Variants in COL23A1 observed in about 807,000 individuals in gnomAD.
COL23A1 encodes collagen alpha-1(XXIII) chain.
Under a neutral mutation model 99.3 loss-of-function variants are expected in COL23A1, and 97 were observed. The observed-to-expected ratio is 0.98, with a 90% CI of 0.83 to 1.16. The LOEUF is 1.16. Among genes scored for constraint, COL23A1 ranks in the 50% most tolerant of loss-of-function variants. The probability of loss-of-function intolerance (pLI) is 0.00; values close to 1 mark genes in which losing one functional copy is unlikely to be tolerated. For missense variants in COL23A1, 762 were observed against 757.4 expected, an observed-to-expected ratio of 1.01 and a Z score of -0.07; for synonymous variants, 320 against 308.2, an observed-to-expected ratio of 1.04 and a Z score of -0.40.
At chr5:178,569,250 A>T (rs971414701) in intron 1 of COL23A1, among the ~76,000 whole-genome samples, 1 of 152,174 alleles carries the variant, frequency 6.6e-6, no homozygotes, top group Admixed American at 6.5e-5. Context: ...GGTTGTGTGT[A>T]GTTTTGTTGT....
intron 2 of COL23A1, among the ~76,000 whole-genome samples, chr5:178,493,713 C>T (rs760187158): frequency 2.0e-5 from 3 of 152,250 alleles, no homozygotes; most frequent in Non-Finnish European, 4.4e-5. Flanking sequence ...GGCCAGCAGA[C>T]CTGACATCTG....
At chr5:178,376,156 C>G (rs1763061620) in intron 2 of COL23A1, among the ~76,000 whole-genome samples, 1 of 152,226 alleles carries the variant, frequency 6.6e-6, no homozygotes, top group Admixed American at 6.5e-5. Flanking sequence ...TGTGCTTTCT[C>G]TTTTCCATAG....
chr5:178,502,421 G>A (rs1281012833), intron 2 of COL23A1, among the ~76,000 whole-genome samples: 5 of 152,220 alleles, frequency 3.3e-5, no homozygotes, highest in African/African-American at 4.8e-5. Flanking sequence ...GTGAGCCACT[G>A]CGCCCAGCCA....
chr5:178,478,307 G>A (rs1340670223), intron 2 of COL23A1, among the ~76,000 whole-genome samples: 4 of 152,218 alleles, frequency 2.6e-5, no homozygotes, highest in Non-Finnish European at 5.9e-5. Flanking sequence ...GTGAGGGGTT[G>A]AGACACCTGG....
At chr5:178,346,652 A>G (rs182100415) in intron 2 of COL23A1, among the ~76,000 whole-genome samples, 51 of 152,342 alleles carry the variant, frequency 3.3e-4, no homozygotes, top group African/African-American at 1.2e-3. Flanking sequence ...CTTGAAGGCT[A>G]TCAACAAGAA....
chr5:178,347,276 T>G (rs2127671563), intron 2 of COL23A1, among the ~76,000 whole-genome samples: 1 of 152,270 alleles, frequency 6.6e-6, no homozygotes, highest in Middle Eastern at 3.4e-3. Flanking sequence ...CTTTTTAAAT[T>G]TAAATAGCCA....
chr5:178,306,963 G>T lies in COL23A1; in HGVS notation c.362-44C>A. 7.0e-7 allele frequency: 1 copy of T among 1,419,562 alleles called. No individual in the cohort carries two copies. Among genetic ancestry groups the T allele is most frequent in the Non-Finnish European group, 9.3e-7 (1 of 1,071,974 alleles). 87.9% of individuals were successfully genotyped at this position (1,419,562 alleles called of 1,614,324 possible). On this transcript the variant is annotated intron_variant, in intron 2 of 28. Transcript: ENST00000390654. This position sits in a 1 kb window ranked among gnomAD's most constrained non-coding sequence, Gnocchi z 4.1. ...ATGCATTCATTGAGAAGGGAAGCCAGTGGACTTGGCTGCGTGGGGCATGCC... is the reference window on the plus strand; with the variant it reads ...ATGCATTCATTGAGAAGGGAAGCCATTGGACTTGGCTGCGTGGGGCATGCC...
At chr5:178,332,673 A>G (rs1344607832) in intron 2 of COL23A1, among the ~76,000 whole-genome samples, 4 of 152,230 alleles carry the variant, frequency 2.6e-5, no homozygotes, top group African/African-American at 9.6e-5. Context: ...CACTTGGTCT[A>G]TGTTTGATTT....
chr5:178,239,278 G>A, intron 27 of COL23A1, 99 bp from the exon 28 acceptor site: 2 of 1,390,896 alleles, frequency 1.4e-6, no homozygotes, highest in Non-Finnish European at 2.0e-6. Flanking sequence ...GCAGGCCAGG[G>A]AGCGGCCATG....
chr5:178,498,399 T>TG, intron 2 of COL23A1, among the ~76,000 whole-genome samples: 1 of 151,654 alleles, frequency 6.6e-6, no homozygotes, highest in Non-Finnish European at 1.5e-5. Context: ...CTCCGAGTGT[T>TG]GAAAAAAAAG....
rs902798535 is a variant in COL23A1 at position 178,307,378 on chromosome 5, T to C, written c.362-459A>G. ...CAAAGCCAACACAACAAAGAGGCCA[T>C]CACGGCCGCGCAGCGCCGAAATCCA... On this transcript the variant is annotated intron_variant, in intron 2 of 28. Transcript: ENST00000390654. This position sits in a 1 kb window ranked among gnomAD's most constrained non-coding sequence, Gnocchi z 4.2. Among the ~76,000 whole-genome samples, 5 of 152,232 alleles carry C rather than the reference T, an allele frequency of 3.3e-5. No individual in the cohort carries two copies. Among genetic ancestry groups the C allele is most frequent in the African/African-American group, 1.2e-4 (5 of 41,462 alleles).
Position 178,365,149 on chromosome 5 carries a change from GT to G in COL23A1, c.362-58231del, listed in dbSNP as rs1762399486. Among the ~76,000 whole-genome samples the G allele has an allele frequency of 6.6e-6, 1 of 151,788 alleles. No individual in the cohort carries two copies. Among genetic ancestry groups the G allele is most frequent in the Admixed American group, 6.6e-5 (1 of 15,242 alleles). ...TTGCTGTGTGTGCGTGTGTGTGTGTGTGTGTGTGTGTGTGTGTGTGTGATAA... is the reference window on the plus strand; with the variant it reads ...TTGCTGTGTGTGCGTGTGTGTGTGTGGTGTGTGTGTGTGTGTGTGTGATAA... On this transcript the variant is annotated intron_variant, in intron 2 of 28. Transcript: ENST00000390654. This position sits in a 1 kb window ranked among gnomAD's most constrained non-coding sequence, Gnocchi z 5.2.
At chr5:178,286,296 G>T (rs1166677284) in intron 5 of COL23A1, among the ~76,000 whole-genome samples, 2 of 152,156 alleles carry the variant, frequency 1.3e-5, no homozygotes, top group Non-Finnish European at 2.9e-5. Flanking sequence ...GAGGAAGTGG[G>T]GGGGCTTGCT....
intron 19 of COL23A1, 79 bp downstream of exon 19, chr5:178,249,038 C>T: frequency 6.8e-7 from 1 of 1,466,234 alleles, no homozygotes; most frequent in Admixed American, 1.7e-5. Context: ...CCCTGGCCTC[C>T]CCACAGCACG....
At chr5:178,375,754 C>T (rs1376819455) in intron 2 of COL23A1, among the ~76,000 whole-genome samples, 1 of 152,224 alleles carries the variant, frequency 6.6e-6, no homozygotes. Context: ...GTTGCCCAGG[C>T]TGGAGTGCAG....
chr5:178,536,764 C>T (rs1760986635), intron 2 of COL23A1, among the ~76,000 whole-genome samples: 1 of 152,190 alleles, frequency 6.6e-6, no homozygotes, highest in Non-Finnish European at 1.5e-5. Context: ...GGGGCTGGGA[C>T]AGCCCAGAGG....
intron 2 of COL23A1, among the ~76,000 whole-genome samples, chr5:178,449,385 C>T (rs890748905): frequency 1.3e-5 from 2 of 152,158 alleles, no homozygotes; most frequent in African/African-American, 4.8e-5. Context: ...GGCCATTCGC[C>T]TTCTGGTCAT....
intron 2 of COL23A1, among the ~76,000 whole-genome samples, chr5:178,530,358 A>G (rs1288997937): frequency 6.6e-6 from 1 of 152,142 alleles, no homozygotes; most frequent in Non-Finnish European, 1.5e-5. Flanking sequence ...GCTACCCAGG[A>G]GGCTGAGGTG....
intron 25 of COL23A1, among the ~76,000 whole-genome samples, chr5:178,245,567 CACCCATCCATCCAT>C (rs1188690660): frequency 2.7e-5 from 4 of 150,044 alleles, no homozygotes; most frequent in Non-Finnish European, 5.9e-5. Flanking sequence ...TCCATCCATT[CACCCATCCATCCAT>C]TCATTCATCC....
Sources: allele counts gnomAD v4.1 joint callset (sites outside exome capture counted in the v4.1 genomes callset), GRCh38; gene constraint gnomAD v4.1.1; non-coding constraint Gnocchi (gnomAD v3.1); transcripts MANE v1.5; gene names NCBI Gene and HGNC (gene_info 2026-07-23, HGNC 2026-07-21).